RGPD3: variants seen among roughly 807,000 people sequenced by gnomAD.
RGPD3 encodes the protein RANBP2 like and GRIP domain containing 3.
A neutral mutation model predicts 154.5 loss-of-function variants in RGPD3; 62 were observed. The ratio of observed to expected loss-of-function variants is 0.40; its 90% confidence interval spans 0.33 to 0.50. The LOEUF (loss-of-function observed/expected upper bound fraction) is 0.50, where lower values mean the gene tolerates loss of function less well. RGPD3 is among the 20% of genes least tolerant of loss of function. The pLI, the probability that RGPD3 is intolerant of heterozygous loss-of-function variation, is 0.59. For missense variants in RGPD3, 919 were observed against 1,716.8 expected, an observed-to-expected ratio of 0.54 and a Z score of 8.21; for synonymous variants, 308 against 607.0, an observed-to-expected ratio of 0.51 and a Z score of 7.24.
chr2:106,415,697 A>AAAAAAAAAAAT (rs1491421236), intron 21 of RGPD3, among the ~76,000 whole-genome samples, 153 bp downstream of exon 21: 132 of 134,520 alleles, frequency 9.8e-4, no homozygotes, highest in African/African-American at 3.6e-3. Flanking sequence ...AAAAAAAAAA[A>AAAAAAAAAAAT]GGCAATATTT....
intron 12 of RGPD3, among the ~76,000 whole-genome samples, chr2:106,435,845 A>ATT (rs1217914843): frequency 2.6e-5 from 4 of 151,866 alleles, no homozygotes; most frequent in African/African-American, 9.7e-5. Flanking sequence ...CCTTGTGCTA[A>ATT]TTTTTTTTTA....
chr2:106,413,183 A>T lies in RGPD3; in HGVS notation c.5167T>A (p.Leu1723Met). 1 of 1,612,008 alleles carries T rather than the reference A, an allele frequency of 6.2e-7. No homozygotes were observed. The highest frequency in any genetic ancestry group is 8.5e-7 in the Non-Finnish European group (1 of 1,179,858). The change falls in exon 22 of 23, where the codon TTG becomes ATG. Residue 1723 changes from leucine to methionine, a missense_variant. Coordinates refer to ENST00000409886, the MANE Select transcript of RGPD3 (RefSeq NM_001144013.2). ...LKNVLLQFIF[L>M]KPGSERERLL... is the part of the protein sequence containing the mutation. ...CTCTCTCTTTCACTACCTGGCTTCA[A>T]GAAAATGAACTGCAGCAAGACGTTC...
At chr2:106,448,819 C>A (rs1415819392) in intron 6 of RGPD3, among the ~76,000 whole-genome samples, 2 of 151,648 alleles carry the variant, frequency 1.3e-5, no homozygotes, top group Non-Finnish European at 2.9e-5. Context: ...GCCTCCCGAG[C>A]AGCTGGGACT....
In RGPD3 at chr2:106,413,137, G is replaced by A. The variant is rs368408437; in HGVS notation, c.5213C>T (p.Thr1738Met). 441 of 1,611,370 alleles carry A rather than the reference G, an allele frequency of 2.7e-4. 4 individuals are homozygous for A. The highest frequency in any genetic ancestry group is 6.5e-4 in the Admixed American group (39 of 59,968). The change falls in exon 22 of 23, where the codon ACG (threonine) becomes ATG (methionine). Residue 1738 changes from threonine to methionine, a missense_variant. By Grantham distance (81) the Thr-to-Met change is moderately conservative (BLOSUM62 -1). Transcript: ENST00000409886. ...TTCTTCAAGGCTGAGCTGCAACATC[G>A]TATTTATAACAGGAAGAAGTCTCTC... The part of the protein sequence containing the change: ...ERERLLPVIN[T>M]MLQLSLEEKG...
intron 20 of RGPD3, among the ~76,000 whole-genome samples, chr2:106,417,973 G>A (rs865992174): frequency 0.053 from 7,724 of 146,964 alleles, 148 homozygotes; most frequent in Middle Eastern, 0.097. Flanking sequence ...TACTAAAAAT[G>A]CAAAAATTAG....
upstream of RGPD3, among the ~76,000 whole-genome samples, chr2:106,470,269 A>AT (rs1678781683): frequency 6.6e-6 from 1 of 152,262 alleles, no homozygotes; most frequent in South Asian, 2.1e-4. Flanking sequence ...CTAGGAGATG[A>AT]AGATACAAAT....
chr2:106,414,009 C>T (rs1020729976), intron 21 of RGPD3, among the ~76,000 whole-genome samples: 1 of 152,166 alleles, frequency 6.6e-6, no homozygotes, highest in Non-Finnish European at 1.5e-5. Flanking sequence ...TGCCCCTACG[C>T]TGTTCCTGAA....
chr2:106,417,624 TCTC>T (rs1438706256), intron 20 of RGPD3, among the ~76,000 whole-genome samples: 1 of 150,134 alleles, frequency 6.7e-6, no homozygotes, highest in South Asian at 2.1e-4. Context: ...GGTCTGTGTT[TCTC>T]CTTTCTCGAA....
chr2:106,410,339 G>A (rs1275334907), intron 22 of RGPD3, among the ~76,000 whole-genome samples: 2 of 152,094 alleles, frequency 1.3e-5, no homozygotes, highest in African/African-American at 2.4e-5. Context: ...TTTCCTGTCT[G>A]TTTACAGGAC....
chr2:106,469,823 C>T (rs1438947306), upstream of RGPD3, among the ~76,000 whole-genome samples: 1 of 152,222 alleles, frequency 6.6e-6, no homozygotes, highest in Admixed American at 6.5e-5. Flanking sequence ...GACAACCTCA[C>T]TTGGAGGCTA....
chr2:106,451,231 C>T (rs1678116024), intron 6 of RGPD3, among the ~76,000 whole-genome samples: 1 of 151,450 alleles, frequency 6.6e-6, no homozygotes, highest in South Asian at 2.1e-4. Flanking sequence ...ATAAAACATC[C>T]TACATGTTTT....
chr2:106,414,479 G>A (rs1198174103), intron 21 of RGPD3, among the ~76,000 whole-genome samples: 5 of 150,368 alleles, frequency 3.3e-5, no homozygotes, highest in Middle Eastern at 3.4e-3. Context: ...AAAATTAGCC[G>A]GGCATGGTGG....
At position 106,405,977 on chromosome 2, in the gene RGPD3, TTTA is replaced by T. The variant is rs1466890243; in HGVS notation, c.5267-751_5267-749del. Among the ~76,000 whole-genome samples the T allele has an allele frequency of 9.8e-3, 1,462 of 148,960 alleles. 14 individuals carry two copies. Among genetic ancestry groups the T allele is most frequent in the African/African-American group, 0.034 (1,351 of 40,288 alleles). On this transcript the variant is annotated intron_variant, in intron 22 of 22. Coordinates refer to ENST00000409886, the MANE Select transcript of RGPD3 (RefSeq NM_001144013.2). The stretch of plus-strand genomic sequence containing the variant: ...AATCAATGTCTGTTCTTGAACATTA[TTTA>T]TTGTCTTTCTCTATTAAACAATTCC...
In RGPD3 at chr2:106,424,739, C is replaced by G. The variant is rs749578846; in HGVS notation, c.3228G>C (p.Gln1076His). The G allele has an allele frequency of 6.2e-7, 1 of 1,611,888 alleles. No homozygotes were observed. The highest frequency in any genetic ancestry group is 8.5e-7 in the Non-Finnish European group (1 of 1,179,870). ...AGTTCCCCAAGCCCCTTTCTTTCCA[C>G]TGACTTACCTCAGCATCAAATCTAA... is the stretch of plus-strand genomic sequence containing the variant. ...KLFRFDAEVS[Q>H]WKERGLGNLK... The change falls in exon 20 of 23, where the codon CAG (glutamine) becomes CAC (histidine). Residue 1076 changes from glutamine to histidine, a missense_variant. Physicochemically the swap from Gln to His is conservative, Grantham distance 24. Transcript: ENST00000409886.
chr2:106,406,873 G>T (rs969133671), intron 22 of RGPD3, among the ~76,000 whole-genome samples: 2 of 152,154 alleles, frequency 1.3e-5, no homozygotes, highest in Admixed American at 6.6e-5. Flanking sequence ...CTTTTACATG[G>T]GGAAATTTTC....
intron 22 of RGPD3, among the ~76,000 whole-genome samples, chr2:106,409,871 C>CTTTTTTTTTTTTT (rs57602292): frequency 1.1e-5 from 1 of 94,452 alleles, no homozygotes; most frequent in African/African-American, 4.4e-5. Flanking sequence ...TTGTAGTTTA[C>CTTTTTTTTTTTTT]TTTTTTTTTT....
At chr2:106,468,432 G>C, upstream of RGPD3, 1 of 1,479,668 alleles carries the variant, frequency 6.8e-7, no homozygotes, top group Non-Finnish European at 9.1e-7. Context: ...TGTGTCCTGC[G>C]TCAACAGTGT....
chr2:106,415,006 A>G (rs189873466), intron 21 of RGPD3, among the ~76,000 whole-genome samples: 21 of 152,294 alleles, frequency 1.4e-4, no homozygotes, highest in Admixed American at 7.8e-4. Flanking sequence ...GGCCTGGGTC[A>G]TAAGAACTCG....
chr2:106,422,946 T>A (rs1381096969), intron 20 of RGPD3, 97 bp downstream of exon 20: 1 of 1,599,460 alleles, frequency 6.3e-7, no homozygotes, highest in Non-Finnish European at 8.5e-7. Context: ...CAAAGCATCG[T>A]TCATATCCCA....
Sources: gnomAD v4.1 joint callset for allele counts (sites outside exome capture counted in the v4.1 genomes callset) on GRCh38, gnomAD v4.1.1 for gene constraint, MANE v1.5 for transcripts, NCBI Gene and HGNC (gene_info 2026-07-23, HGNC 2026-07-21) for gene names.